TIPARP: variants seen among roughly 807,000 people sequenced by gnomAD.
The protein encoded by TIPARP is protein mono-ADP-ribosyltransferase TIPARP.
Under a neutral mutation model 56.5 loss-of-function variants are expected in TIPARP, and 12 were observed. The observed-to-expected ratio is 0.21, with a 90% CI of 0.14 to 0.34. TIPARP has a LOEUF of 0.34. Among genes scored for constraint, TIPARP ranks in the 10% least tolerant of loss-of-function variants. The pLI is 1.00. For synonymous variants in TIPARP, 296 were observed against 265.7 expected (o/e 1.11, Z -1.11); for missense variants, 604 against 781.6 (o/e 0.77, Z 2.71).
intron 2 of TIPARP, 107 bp downstream of exon 2, chr3:156,678,721 T>G: frequency 1.0e-6 from 1 of 954,024 alleles, no homozygotes; most frequent in Non-Finnish European, 1.5e-6. Flanking sequence ...AGGTTTTCTT[T>G]TTTTCCACTA....
intron 2 of TIPARP, among the ~76,000 whole-genome samples, chr3:156,688,809 G>A (rs1423220243): frequency 2.0e-5 from 3 of 152,146 alleles, no homozygotes; most frequent in Admixed American, 2.0e-4. Context: ...TTTAGCAGCG[G>A]CAAACATATC....
chr3:156,688,912 G>A (rs911248119), intron 2 of TIPARP, among the ~76,000 whole-genome samples: 2 of 152,148 alleles, frequency 1.3e-5, no homozygotes, highest in Non-Finnish European at 2.9e-5. Flanking sequence ...ATGACCCTCC[G>A]TGTTGGGAGA....
chr3:156,696,303 T>G (rs1722713949), intron 4 of TIPARP, among the ~76,000 whole-genome samples: 1 of 152,166 alleles, frequency 6.6e-6, no homozygotes, highest in African/African-American at 2.4e-5. Flanking sequence ...GTCACAGAAC[T>G]TGCATTTACC....
intron 2 of TIPARP, among the ~76,000 whole-genome samples, chr3:156,692,750 C>T (rs1722608349): frequency 6.6e-6 from 1 of 152,044 alleles, no homozygotes; most frequent in Admixed American, 6.6e-5. Context: ...AAATATTTGT[C>T]TGCAGAATCT....
intron 2 of TIPARP, among the ~76,000 whole-genome samples, chr3:156,691,924 G>T (rs1331851293): frequency 6.6e-6 from 1 of 152,132 alleles, no homozygotes; most frequent in Non-Finnish European, 1.5e-5. Flanking sequence ...CACAGAGAAT[G>T]TAGCAAAAGC....
chr3:156,698,802 A>G (rs1373479232), intron 4 of TIPARP, among the ~76,000 whole-genome samples: 1 of 152,254 alleles, frequency 6.6e-6, no homozygotes, highest in African/African-American at 2.4e-5. Flanking sequence ...GCTGCCATAC[A>G]TAGTGGTTCC....
intron 2 of TIPARP, among the ~76,000 whole-genome samples, chr3:156,680,119 A>G (rs998377368): frequency 1.3e-5 from 2 of 152,182 alleles, no homozygotes; most frequent in Non-Finnish European, 2.9e-5. Context: ...AAGAAGAGAA[A>G]CAGTATAAAG....
At chr3:156,696,943 A>C (rs1249205200) in intron 4 of TIPARP, among the ~76,000 whole-genome samples, 2 of 152,146 alleles carry the variant, frequency 1.3e-5, no homozygotes, top group Non-Finnish European at 2.9e-5. Context: ...GTTTTCCCTA[A>C]GTTGTTATGA....
At chr3:156,690,142 T>C (rs1432817154) in intron 2 of TIPARP, among the ~76,000 whole-genome samples, 2 of 152,226 alleles carry the variant, frequency 1.3e-5, no homozygotes, top group African/African-American at 4.8e-5. Context: ...CTAAAATGGT[T>C]ACACTCTTTA....
At chr3:156,676,751 C>T (rs1722140765) in intron 1 of TIPARP, 1 of 151,912 alleles carries the variant, frequency 6.6e-6, no homozygotes, top group Non-Finnish European at 1.5e-5. Flanking sequence ...GAAGAAAGGA[C>T]TTTTTCGTCT....
chr3:156,676,011 C>A (rs752837469), intron 1 of TIPARP, among the ~76,000 whole-genome samples: 9 of 152,166 alleles, frequency 5.9e-5, no homozygotes, highest in Non-Finnish European at 8.8e-5. Flanking sequence ...CGCAGACACA[C>A]ATATAAATAA....
intron 2 of TIPARP, among the ~76,000 whole-genome samples, chr3:156,691,134 T>C (rs2108492840): frequency 6.6e-6 from 1 of 152,276 alleles, no homozygotes; most frequent in South Asian, 2.1e-4. Context: ...ACCAATCCTG[T>C]CTCCACCCGT....
At chr3:156,699,936 C>T (rs1722805626) in intron 4 of TIPARP, among the ~76,000 whole-genome samples, 1 of 151,992 alleles carries the variant, frequency 6.6e-6, no homozygotes, top group Non-Finnish European at 1.5e-5. Flanking sequence ...GAGTGTGGGG[C>T]TGAAGGACCT....
intron 1 of TIPARP, among the ~76,000 whole-genome samples, chr3:156,677,115 A>G (rs1037616562): frequency 1.3e-5 from 2 of 152,244 alleles, no homozygotes; most frequent in African/African-American, 4.8e-5. Context: ...AGAACATTTC[A>G]ATTGAGAGCC....
chr3:156,678,400 C>T lies in TIPARP; in HGVS notation c.703C>T (p.His235Tyr). ...GGTGAACCAGTTGCAGTACCACACT[C>T]ACCAAGAGAACGGAATTGAAATTTG... ...ELVNQLQYHT[H>Y]QENGIEICMD... The change falls in exon 2 of 6, where the codon CAC becomes TAC. Residue 235 changes from histidine to tyrosine, a missense_variant. Around this residue, in one of 4 missense-constraint regions of TIPARP, gnomAD observed 261 missense variants for 279.2 expected, o/e 0.93. Transcript: ENST00000295924. 1 of 1,614,204 alleles carries T rather than the reference C, an allele frequency of 6.2e-7. No individual in the cohort carries two copies. Among genetic ancestry groups the T allele is most frequent in the Middle Eastern group, 1.6e-4 (1 of 6,062 alleles).
chr3:156,697,311 G>A (rs1577040876), intron 4 of TIPARP, among the ~76,000 whole-genome samples: 1 of 152,112 alleles, frequency 6.6e-6, no homozygotes, highest in South Asian at 2.1e-4. Context: ...AAGCAAGATA[G>A]AACTTCTGTG....
At chr3:156,690,757 C>T (rs1233132404) in intron 2 of TIPARP, among the ~76,000 whole-genome samples, 3 of 152,120 alleles carry the variant, frequency 2.0e-5, no homozygotes, top group Admixed American at 2.0e-4. Context: ...TCCTACTGTA[C>T]AGTGGCTATT....
In TIPARP at chr3:156,677,772, C is replaced by T. The variant is rs1722181322; in HGVS notation, c.75C>T (p.Cys25=). The part of the protein sequence containing the change: ...QPPSPPDDFS[C]QMRLSEKITP... ...CCTCTCCTCCTGATGACTTTTCATG[C>T]CAAATGAGACTCTCTGAGAAGATCA... Residue 25 remains cysteine, a synonymous_variant, in exon 2 of 6, where the codon TGC becomes TGT. Transcript: ENST00000295924. 2 of 1,613,876 alleles carry T rather than the reference C, an allele frequency of 1.2e-6. No homozygotes were observed. The highest frequency in any genetic ancestry group is 2.2e-5 in the East Asian group (1 of 44,884).
At position 156,704,693 on chromosome 3, in the gene TIPARP, A is replaced by G. The variant is rs140631438; in HGVS notation, c.1536A>G (p.Glu512=). Residue 512 remains glutamate, a synonymous_variant, in exon 6 of 6, where the codon GAA becomes GAG. Transcript: ENST00000295924. ...CTGTTCTTTCCATTAGGAAAAAGGA[A>G]TATATGAACAGGAAAATGTTTGGCC... ...FLWEKYKRKK[E]YMNRKMFGRD... 1 of 1,612,276 alleles carries G rather than the reference A, an allele frequency of 6.2e-7. No individual in the cohort carries two copies. The highest frequency in any genetic ancestry group is 8.5e-7 in the Non-Finnish European group (1 of 1,179,024).
Sources: allele counts gnomAD v4.1 joint callset (sites outside exome capture counted in the v4.1 genomes callset), GRCh38; gene constraint gnomAD v4.1.1; regional missense constraint gnomAD v4.1.1; transcripts MANE v1.5; gene names NCBI Gene and HGNC (gene_info 2026-07-23, HGNC 2026-07-21).